Variants in POLE2 observed in about 807,000 individuals in gnomAD.
POLE2 encodes DNA polymerase epsilon 2, accessory subunit.
In POLE2, 56 loss-of-function variants were observed where a neutral mutation model predicts 79.4. The observed-to-expected ratio is 0.71, with a 90% CI of 0.57 to 0.88. The LOEUF is 0.88. Among genes scored for constraint, POLE2 ranks in the 40% least tolerant of loss-of-function variants. The probability of loss-of-function intolerance (pLI) is 0.00; values close to 1 mark genes in which losing one functional copy is unlikely to be tolerated. For synonymous variants in POLE2, 212 were observed against 214.0 expected, an observed-to-expected ratio of 0.99 and a Z score of 0.08; for missense variants, 598 against 638.9, an observed-to-expected ratio of 0.94 and a Z score of 0.69.
chr14:49,657,006 G>A (rs1263588055), intron 10 of POLE2, among the ~76,000 whole-genome samples: 2 of 151,808 alleles, frequency 1.3e-5, no homozygotes, highest in Admixed American at 6.6e-5. Context: ...CCAGCTACTC[G>A]GGAGGCTGAG....
chr14:49,672,211 G>C (rs968794359), intron 5 of POLE2, among the ~76,000 whole-genome samples: 2 of 152,196 alleles, frequency 1.3e-5, no homozygotes, highest in African/African-American at 2.4e-5. Flanking sequence ...TTATGTGTGA[G>C]AGAAGATCTT....
chr14:49,654,564 A>G (rs1884511867), intron 13 of POLE2: 1 of 512,120 alleles, frequency 2.0e-6, no homozygotes. Context: ...TGCCACGAAG[A>G]AATTCCAAGT....
intron 2 of POLE2, among the ~76,000 whole-genome samples, chr14:49,680,982 T>G (rs1461583170): frequency 7.9e-5 from 12 of 152,196 alleles, no homozygotes; most frequent in Admixed American, 7.9e-4. Context: ...TGTAAAATTC[T>G]GCCTTTAGGA....
intron 16 of POLE2, 30 bp downstream of exon 16, chr14:49,651,239 G>T (rs1167191595): frequency 2.1e-6 from 2 of 932,168 alleles, no homozygotes; most frequent in Middle Eastern, 2.1e-4. Flanking sequence ...AACATGTAAG[G>T]CAGTTTAATA....
At chr14:49,679,177 A>G (rs1886519279) in intron 3 of POLE2, among the ~76,000 whole-genome samples, 2 of 151,040 alleles carry the variant, frequency 1.3e-5, no homozygotes, top group Non-Finnish European at 2.9e-5. Context: ...TTTTCCTTCC[A>G]GTTAAATGCC....
chr14:49,680,324 C>A (rs1370551478), intron 2 of POLE2, among the ~76,000 whole-genome samples: 1 of 151,826 alleles, frequency 6.6e-6, no homozygotes, highest in African/African-American at 2.4e-5. Context: ...GGCACTCCAG[C>A]CTGGGCCACA....
chr14:49,645,954 T>G (rs1883728942), intron 18 of POLE2, among the ~76,000 whole-genome samples: 1 of 152,110 alleles, frequency 6.6e-6, no homozygotes. Flanking sequence ...TGTCTACAAG[T>G]TTTATGCCAA....
At chr14:49,667,525 T>C (rs1447173353) in intron 6 of POLE2, among the ~76,000 whole-genome samples, 2 of 152,004 alleles carry the variant, frequency 1.3e-5, no homozygotes, top group Non-Finnish European at 1.5e-5. Context: ...TCTGTGCAAC[T>C]TTCTTGGCCC....
intron 15 of POLE2, among the ~76,000 whole-genome samples, chr14:49,653,166 G>A (rs1884402366): frequency 6.6e-6 from 1 of 152,198 alleles, no homozygotes; most frequent in African/African-American, 2.4e-5. Context: ...TGATAAGTAG[G>A]CAACTGGATA....
At chr14:49,669,322 G>GTTA (rs1885707979) in intron 6 of POLE2, among the ~76,000 whole-genome samples, 3 of 152,190 alleles carry the variant, frequency 2.0e-5, no homozygotes, top group Non-Finnish European at 4.4e-5. Context: ...CCTTCTCAAA[G>GTTA]GAAGCAGTAG....
rs979896897 is a variant in POLE2 at position 49,656,372 on chromosome 14, A to C, written c.756-529T>G. Among the ~76,000 whole-genome samples the C allele has an allele frequency of 4.0e-5, 6 of 150,230 alleles. No individual in the cohort carries two copies. The South Asian group carries it at 1.3e-3, about 31-fold the overall frequency. ...CTTGTCTCAAAAAAAAAAAAAAAAA[A>C]CTGACTAAAGCAAACATTAAAATAA... On this transcript the variant is annotated intron_variant, in intron 10 of 18. Transcript: ENST00000216367.
chr14:49,658,463 A>C (rs978092385), intron 10 of POLE2, among the ~76,000 whole-genome samples: 4 of 152,190 alleles, frequency 2.6e-5, no homozygotes, highest in African/African-American at 4.8e-5. Flanking sequence ...AGGTGACTCA[A>C]AATTTTTTGC....
intron 6 of POLE2, among the ~76,000 whole-genome samples, chr14:49,668,730 C>T (rs1198924454): frequency 1.3e-5 from 2 of 152,108 alleles, no homozygotes; most frequent in Non-Finnish European, 2.9e-5. Flanking sequence ...ATATAGAAAA[C>T]ATATAGATGA....
At chr14:49,676,615 G>A (rs1042590769) in intron 3 of POLE2, among the ~76,000 whole-genome samples, 8 of 152,208 alleles carry the variant, frequency 5.3e-5, no homozygotes, top group Non-Finnish European at 8.8e-5. Context: ...AGAAATAGCC[G>A]AGCCAGGTCA....
chr14:49,662,429 A>T (rs1885162640), intron 10 of POLE2, among the ~76,000 whole-genome samples: 1 of 152,214 alleles, frequency 6.6e-6, no homozygotes, highest in Non-Finnish European at 1.5e-5. Flanking sequence ...TTCCTTTTGA[A>T]ATCATCACCA....
At chr14:49,671,193 T>C (rs913368814) in intron 5 of POLE2, among the ~76,000 whole-genome samples, 2 of 152,188 alleles carry the variant, frequency 1.3e-5, no homozygotes, top group Non-Finnish European at 2.9e-5. Flanking sequence ...ATGTGGTGTT[T>C]ACTGAGCACC....
chr14:49,680,151 A>G (rs1206348962), intron 2 of POLE2, among the ~76,000 whole-genome samples: 1 of 152,180 alleles, frequency 6.6e-6, no homozygotes, highest in African/African-American at 2.4e-5. Flanking sequence ...GGAGTTTGAG[A>G]CCAGCCCAGA....
At chr14:49,655,458 AACACACACACACACACAC>A (rs35575577) in intron 11 of POLE2, among the ~76,000 whole-genome samples, 195 bp downstream of exon 11, 4 of 143,396 alleles carry the variant, frequency 2.8e-5, no homozygotes, top group Non-Finnish European at 4.6e-5. Context: ...CATGACTATA[AACACACACACACACACAC>A]ACACACACAC....
Position 49,688,171 on chromosome 14 carries a change from G to C in POLE2, c.33C>G (p.Leu11=), listed in dbSNP as rs779765032. MAPERLRSRA[L]SAFKLRGLLL... is the part of the protein sequence containing the mutation. ...GCAAGCCCCGCAACTTGAAGGCGGA[G>C]AGCGCCCGGCTCCGCAGCCGCTCCG... Residue 11 remains leucine (L), a synonymous_variant, in exon 1 of 19, where the codon CTC becomes CTG. Transcript: ENST00000216367. 3.2e-6 allele frequency: 5 copies of C among 1,549,706 alleles called. No homozygotes were observed. Among genetic ancestry groups the C allele is most frequent in the East Asian group, 2.5e-5 (1 of 39,308 alleles).
Sources: gnomAD v4.1 joint callset for allele counts (sites outside exome capture counted in the v4.1 genomes callset) on GRCh38, gnomAD v4.1.1 for gene constraint, MANE v1.5 for transcripts, NCBI Gene and HGNC (gene_info 2026-07-23, HGNC 2026-07-21) for gene names.